SRBD1: variants seen among roughly 807,000 people sequenced by gnomAD.
SRBD1 encodes S1 RNA binding domain 1.
Under a neutral mutation model 115.3 loss-of-function variants are expected in SRBD1, and 88 were observed. The ratio of observed to expected loss-of-function variants is 0.76; its 90% CI spans 0.64 to 0.91. SRBD1 has a LOEUF of 0.91. Ranked by LOEUF, SRBD1 falls within the 40% of genes least tolerant of loss-of-function variation. The probability of loss-of-function intolerance (pLI) is 0.00; values close to 1 mark genes in which losing one functional copy is unlikely to be tolerated. For missense variants in SRBD1, 1,385 were observed against 1,177.4 expected, an observed-to-expected ratio of 1.18 and a Z score of -2.58; for synonymous variants, 509 against 407.7, an observed-to-expected ratio of 1.25 and a Z score of -2.99.
chr2:45,468,117 C>T (rs1288270873), intron 16 of SRBD1, among the ~76,000 whole-genome samples: 1 of 152,054 alleles, frequency 6.6e-6, no homozygotes, highest in Non-Finnish European at 1.5e-5. Context: ...TTTTTATAAT[C>T]TTACTATATA....
At chr2:45,543,800 T>C (rs950187066) in intron 14 of SRBD1, among the ~76,000 whole-genome samples, 7 of 152,076 alleles carry the variant, frequency 4.6e-5, no homozygotes, top group African/African-American at 1.7e-4. Flanking sequence ...TAATACAGTG[T>C]AAGTAGAGTT....
At chr2:45,429,942 G>C (rs1182418079) in intron 16 of SRBD1, among the ~76,000 whole-genome samples, 1 of 152,182 alleles carries the variant, frequency 6.6e-6, no homozygotes, top group Non-Finnish European at 1.5e-5. Context: ...CTTCAGCAAA[G>C]TCTCAGGACA....
At chr2:45,582,874 C>G (rs1323818358) in intron 5 of SRBD1, among the ~76,000 whole-genome samples, 1 of 152,208 alleles carries the variant, frequency 6.6e-6, no homozygotes, top group Admixed American at 6.5e-5. Flanking sequence ...GATGGGCACA[C>G]CTAGCACCCA....
At chr2:45,532,744 A>T (rs1021616141) in intron 14 of SRBD1, among the ~76,000 whole-genome samples, 1 of 149,512 alleles carries the variant, frequency 6.7e-6, no homozygotes. Context: ...TTAAGTTAGG[A>T]GAGCATAATA....
intron 14 of SRBD1, among the ~76,000 whole-genome samples, chr2:45,527,919 A>AG: frequency 6.6e-6 from 1 of 151,968 alleles, no homozygotes. Flanking sequence ...ATGGTATGAA[A>AG]GGAAAGGGCA....
At chr2:45,606,319 C>G (rs965080894) in intron 1 of SRBD1, among the ~76,000 whole-genome samples, 1 of 152,082 alleles carries the variant, frequency 6.6e-6, no homozygotes, top group African/African-American at 2.4e-5. Context: ...GCCAACACAC[C>G]CGGCTAATTT....
intron 7 of SRBD1, among the ~76,000 whole-genome samples, chr2:45,578,923 G>C (rs1283504039): frequency 6.6e-6 from 1 of 152,044 alleles, no homozygotes; most frequent in Non-Finnish European, 1.5e-5. Context: ...AGAATAGTTT[G>C]ACTATAATAC....
rs144700145 is a variant in SRBD1 at position 45,581,784 on chromosome 2, G to A, written c.842C>T (p.Thr281Ile). ...CCCTTCCTTCTTAATTTTCTGGATT[G>A]TACTATGAACTTTCTTTGCAACAGC... Reference protein sequence around the residue: ...LRAVAKKVHSTIQKIKKEGKM... With the variant: ...LRAVAKKVHSIIQKIKKEGKM... The change falls in exon 6 of 21, where the codon ACA (threonine) becomes ATA (isoleucine). Residue 281 changes from threonine (T) to isoleucine (I), a missense_variant. Thr to Ile is a moderately conservative substitution (Grantham distance 89). Transcript: ENST00000263736. 6.2e-6 allele frequency: 10 copies of A among 1,613,206 alleles called. No homozygotes were observed. The African/African-American group carries it at 1.2e-4, about 19-fold the overall frequency.
chr2:45,481,075 C>T (rs1669949193), intron 15 of SRBD1, among the ~76,000 whole-genome samples: 1 of 152,166 alleles, frequency 6.6e-6, no homozygotes, highest in South Asian at 2.1e-4. Flanking sequence ...AGACTGTGAA[C>T]TGCTGAAGGC....
In SRBD1 at chr2:45,580,511, A is replaced by ATTT. The variant is rs1227093467; in HGVS notation, c.934-501_934-499dup. ...CAGGAGCGCACCACTACGTCCAGCT[A>ATTT]TTTTTTTTTTTTTTTTTTTTTGCAT... On this transcript the variant is annotated intron_variant, in intron 6 of 20. Transcript: ENST00000263736. 4.4e-3 allele frequency among the ~76,000 whole-genome samples: 374 copies of ATTT among 85,742 alleles called. 4 individuals are homozygous for ATTT. Among genetic ancestry groups the ATTT allele is most frequent in the South Asian group, 0.011 (30 of 2,610 alleles). 56.3% of individuals were successfully genotyped at this position (85,742 alleles called of 152,430 possible).
At chr2:45,558,449 T>C (rs1214429143) in intron 10 of SRBD1, among the ~76,000 whole-genome samples, 2 of 152,202 alleles carry the variant, frequency 1.3e-5, no homozygotes, top group Admixed American at 1.3e-4. Flanking sequence ...TTCATACTTA[T>C]CTTGTACTAG....
chr2:45,442,823 A>G (rs1668711261), intron 16 of SRBD1, among the ~76,000 whole-genome samples: 1 of 152,214 alleles, frequency 6.6e-6, no homozygotes. Flanking sequence ...AATGGAGATA[A>G]GGCAGTCTAG....
intron 16 of SRBD1, among the ~76,000 whole-genome samples, chr2:45,452,103 T>C (rs1669016392): frequency 6.6e-6 from 1 of 152,010 alleles, no homozygotes; most frequent in Non-Finnish European, 1.5e-5. Flanking sequence ...AAATAAATGC[T>C]ACAAACTGTT....
intron 7 of SRBD1, among the ~76,000 whole-genome samples, chr2:45,579,537 T>G (rs1673280203): frequency 1.3e-5 from 2 of 152,018 alleles, no homozygotes; most frequent in Non-Finnish European, 2.9e-5. Flanking sequence ...TAATACCTAT[T>G]TATCAAGGGA....
At chr2:45,526,667 A>AT (rs199549801) in intron 14 of SRBD1, among the ~76,000 whole-genome samples, 1 of 151,956 alleles carries the variant, frequency 6.6e-6, no homozygotes, top group African/African-American at 2.4e-5. Context: ...TCCAAAAACA[A>AT]TAAAAAAAAT....
At chr2:45,562,593 T>A in intron 10 of SRBD1, 60 bp downstream of exon 10, 2 of 1,303,770 alleles carry the variant, frequency 1.5e-6, no homozygotes, top group Non-Finnish European at 2.1e-6. Context: ...TACATATAGA[T>A]ATCGGTATCA....
At chr2:45,391,572 G>A (rs1000151169) in intron 20 of SRBD1, among the ~76,000 whole-genome samples, 1 of 152,066 alleles carries the variant, frequency 6.6e-6, no homozygotes, top group Non-Finnish European at 1.5e-5. Context: ...CAGACATTTT[G>A]AAAATTGTGA....
chr2:45,498,026 C>T (rs1330519070), intron 14 of SRBD1, among the ~76,000 whole-genome samples: 5 of 152,126 alleles, frequency 3.3e-5, no homozygotes, highest in Admixed American at 2.6e-4. Flanking sequence ...TACCTAGGTG[C>T]AATGAATGAA....
At chr2:45,592,909 T>C (rs1244043577) in intron 4 of SRBD1, among the ~76,000 whole-genome samples, 1 of 152,140 alleles carries the variant, frequency 6.6e-6, no homozygotes, top group East Asian at 1.9e-4. Flanking sequence ...TAACGTGTGT[T>C]TGAGAAAAAT....
Sources: allele counts gnomAD v4.1 joint callset (sites outside exome capture counted in the v4.1 genomes callset), GRCh38; gene constraint gnomAD v4.1.1; transcripts MANE v1.5; gene names NCBI Gene and HGNC (gene_info 2026-07-23, HGNC 2026-07-21).